CHCHD3: variants seen among roughly 807,000 people sequenced by gnomAD.
CHCHD3 encodes the protein coiled-coil-helix-coiled-coil-helix domain containing 3.
In CHCHD3, 20 loss-of-function variants were observed where a neutral mutation model predicts 38.2. The ratio of observed to expected loss-of-function variants is 0.52; its 90% CI spans 0.37 to 0.76. The LOEUF is 0.76. Among genes scored for constraint, CHCHD3 ranks in the 30% least tolerant of loss-of-function variants. The pLI is 0.00. For missense variants in CHCHD3, 245 were observed against 279.2 expected (o/e 0.88, Z 0.87); for synonymous variants, 82 against 100.0 (o/e 0.82, Z 1.07).
intron 4 of CHCHD3, among the ~76,000 whole-genome samples, chr7:132,893,115 G>A (rs1809409037): frequency 6.6e-6 from 1 of 152,306 alleles, no homozygotes; most frequent in Admixed American, 6.5e-5. Flanking sequence ...AAACGTCACA[G>A]GCACTCAATG....
At chr7:132,993,250 G>A (rs1812330196) in intron 3 of CHCHD3, among the ~76,000 whole-genome samples, 1 of 152,180 alleles carries the variant, frequency 6.6e-6, no homozygotes, top group Non-Finnish European at 1.5e-5. Flanking sequence ...TCAGTGAAAT[G>A]TTTTATATCA....
chr7:133,040,637 T>G (rs2117479653), intron 2 of CHCHD3, among the ~76,000 whole-genome samples: 2 of 152,296 alleles, frequency 1.3e-5, no homozygotes, highest in East Asian at 3.9e-4. Flanking sequence ...TTGTTCTTTG[T>G]CAAAAAAGTA....
intron 3 of CHCHD3, among the ~76,000 whole-genome samples, chr7:133,012,561 C>G (rs1020398805): frequency 6.6e-6 from 1 of 151,930 alleles, no homozygotes; most frequent in Non-Finnish European, 1.5e-5. Context: ...CCTAAGAGTT[C>G]GAGACCAGCC....
intron 2 of CHCHD3, among the ~76,000 whole-genome samples, chr7:133,027,985 T>C (rs1174232287): frequency 1.3e-5 from 2 of 152,174 alleles, no homozygotes; most frequent in Non-Finnish European, 2.9e-5. Context: ...GCTATGAAAT[T>C]CTAGACTATA....
chr7:132,904,894 T>G (rs1585623907), intron 4 of CHCHD3, among the ~76,000 whole-genome samples: 1 of 152,132 alleles, frequency 6.6e-6, no homozygotes, highest in African/African-American at 2.4e-5. Flanking sequence ...ATATACACCA[T>G]GGAATACTAT....
chr7:132,908,895 C>T (rs1290330740), intron 4 of CHCHD3, among the ~76,000 whole-genome samples: 1 of 152,106 alleles, frequency 6.6e-6, no homozygotes, highest in African/African-American at 2.4e-5. Flanking sequence ...ATTCTCAAAG[C>T]TATGTCTAGG....
At chr7:132,789,411 T>C (rs1806402010) in intron 7 of CHCHD3, among the ~76,000 whole-genome samples, 1 of 152,178 alleles carries the variant, frequency 6.6e-6, no homozygotes, top group Non-Finnish European at 1.5e-5. Context: ...ACACTGCTCT[T>C]TTCCCAAGTC....
chr7:132,893,870 T>C (rs1225866506), intron 4 of CHCHD3, among the ~76,000 whole-genome samples: 1 of 152,240 alleles, frequency 6.6e-6, no homozygotes, highest in Non-Finnish European at 1.5e-5. Context: ...TCCTCAGCCA[T>C]GTGAAATTGT....
At chr7:132,804,736 A>T (rs1206780544) in intron 6 of CHCHD3, among the ~76,000 whole-genome samples, 1 of 152,228 alleles carries the variant, frequency 6.6e-6, no homozygotes, top group Admixed American at 6.5e-5. Context: ...ACATTTTAAA[A>T]GCAAGATCCA....
At chr7:132,994,282 A>G (rs1254339361) in intron 3 of CHCHD3, among the ~76,000 whole-genome samples, 2 of 152,244 alleles carry the variant, frequency 1.3e-5, no homozygotes, top group Non-Finnish European at 2.9e-5. Flanking sequence ...AACATGGTCC[A>G]GTTTTGTAGC....
chr7:132,914,489 T>C (rs1810050491), intron 4 of CHCHD3, among the ~76,000 whole-genome samples: 1 of 152,202 alleles, frequency 6.6e-6, no homozygotes, highest in Non-Finnish European at 1.5e-5. Context: ...ATTATGTACA[T>C]GATTAATAGA....
intron 4 of CHCHD3, among the ~76,000 whole-genome samples, chr7:132,959,247 A>G (rs1811253143): frequency 6.6e-6 from 1 of 152,242 alleles, no homozygotes; most frequent in African/African-American, 2.4e-5. Context: ...TTTCACCTGC[A>G]AAGTATGTAT....
chr7:132,990,328 T>TA (rs1812242132), intron 3 of CHCHD3, among the ~76,000 whole-genome samples: 1 of 152,156 alleles, frequency 6.6e-6, no homozygotes, highest in Non-Finnish European at 1.5e-5. Flanking sequence ...TGCTATGTAT[T>TA]TACTAAGATG....
intron 4 of CHCHD3, among the ~76,000 whole-genome samples, chr7:132,905,086 G>A (rs573263233): frequency 4.0e-5 from 6 of 150,854 alleles, no homozygotes; most frequent in South Asian, 4.3e-4. Context: ...AATCACACAC[G>A]GGGGCCTGTC....
intron 2 of CHCHD3, among the ~76,000 whole-genome samples, chr7:133,052,908 A>G (rs1235608501): frequency 3.3e-5 from 5 of 152,218 alleles, no homozygotes; most frequent in Admixed American, 2.0e-4. Context: ...AGTTAACCCA[A>G]AAACCCATGA....
In CHCHD3 at chr7:133,024,565, C is replaced by G; in HGVS notation, c.232G>C (p.Glu78Gln). The G allele has an allele frequency of 6.2e-7, 1 of 1,613,530 alleles. No homozygotes were observed. The highest frequency in any genetic ancestry group is 8.5e-7 in the Non-Finnish European group (1 of 1,179,532). Residue 78 changes from glutamate to glutamine, a missense_variant, in exon 3 of 8, where the codon GAA (glutamate) becomes CAA (glutamine). Coordinates refer to ENST00000262570, the MANE Select transcript of CHCHD3 (RefSeq NM_017812.4). ...EELALEQAKK[E>Q]SEDQKRLKQA... is the part of the protein sequence containing the mutation. ...ACTCACCGTTTCTGATCTTCGGATT[C>G]TTTCTTGGCTTGCTCCAATGCCAGC...
chr7:133,033,354 G>A (rs1346226656), intron 2 of CHCHD3, among the ~76,000 whole-genome samples: 1 of 152,108 alleles, frequency 6.6e-6, no homozygotes. Flanking sequence ...TCTTGGAGAT[G>A]GGAAACTACC....
intron 6 of CHCHD3, among the ~76,000 whole-genome samples, chr7:132,832,709 A>G (rs538531815): frequency 6.6e-6 from 1 of 152,326 alleles, no homozygotes; most frequent in East Asian, 1.9e-4. Flanking sequence ...CTATTTTAAA[A>G]ACAATTCACA....
At chr7:133,066,774 A>T (rs1254536637) in intron 2 of CHCHD3, among the ~76,000 whole-genome samples, 1 of 152,176 alleles carries the variant, frequency 6.6e-6, no homozygotes. Flanking sequence ...ATATCAAAAC[A>T]ACCCAAGAGA....
Sources: allele counts gnomAD v4.1 joint callset (sites outside exome capture counted in the v4.1 genomes callset), GRCh38; gene constraint gnomAD v4.1.1; transcripts MANE v1.5; gene names NCBI Gene and HGNC (gene_info 2026-07-23, HGNC 2026-07-21).